KCNG4: variants seen among roughly 807,000 people sequenced by gnomAD.
KCNG4 encodes potassium voltage-gated channel modifier subfamily G member 4.
A neutral mutation model predicts 28.2 loss-of-function variants in KCNG4; 30 were observed. The ratio of observed to expected loss-of-function variants is 1.06; its 90% CI spans 0.80 to 1.44. The LOEUF is 1.44. Among genes scored for constraint, KCNG4 ranks in the 40% most tolerant of loss-of-function variants. KCNG4 has a pLI of 0.00. For missense variants in KCNG4, 879 were observed against 712.3 expected (o/e 1.23, Z -2.66); for synonymous variants, 375 against 315.5 (o/e 1.19, Z -2.00).
In KCNG4 at chr16:84,222,862, T is replaced by C. The variant is rs763982111; in HGVS notation, c.915A>G (p.Pro305=). The change falls in exon 3 of 3, where the codon CCA becomes CCG. Residue 305 remains proline, a synonymous_variant. Coordinates refer to ENST00000308251, the MANE Select transcript of KCNG4 (RefSeq NM_172347.3). ...LNIIDILAIS[P]YYVSLAVSEE... ...CAGACACCGCCAGCGACACGTAGTA[T>C]GGGGAGATGGCCAGGATGTCGATGA... 4 of 1,612,274 alleles carry C rather than the reference T, an allele frequency of 2.5e-6. No homozygotes were observed. The African/African-American group carries it at 4.0e-5, about 16-fold the overall frequency.
At chr16:84,230,139 T>G (rs1168149712) in intron 2 of KCNG4, among the ~76,000 whole-genome samples, 1 of 152,122 alleles carries the variant, frequency 6.6e-6, no homozygotes, top group Non-Finnish European at 1.5e-5. Context: ...GCATAGTGGC[T>G]CAGGCCTATA....
At chr16:84,231,711 G>C (rs1438887512) in intron 2 of KCNG4, among the ~76,000 whole-genome samples, 3 of 152,130 alleles carry the variant, frequency 2.0e-5, no homozygotes, top group Non-Finnish European at 2.9e-5. Context: ...GTGCATTCAA[G>C]TGAGAGTCGG....
chr16:84,238,171 C>T (rs1020730291), intron 1 of KCNG4, among the ~76,000 whole-genome samples: 18 of 152,110 alleles, frequency 1.2e-4, no homozygotes, highest in African/African-American at 3.9e-4. Context: ...GCCTGGCTTC[C>T]CCTAACTCAC....
At position 84,237,142 on chromosome 16, in the gene KCNG4, C is replaced by A. The variant is rs767277852; in HGVS notation, c.344G>T (p.Arg115Met). ...DEDSQEFFFD[R>M]SPSAFGVIVS... ...GATCACCCCGAAGGCGCTGGGGCTC[C>A]TGTCGAAGAAGAACTCCTGGCTGTC... is the stretch of plus-strand genomic sequence containing the variant. Residue 115 changes from arginine to methionine, a missense_variant, in exon 2 of 3, where the codon AGG becomes ATG. Transcript: ENST00000308251. 4 of 1,614,198 alleles carry A rather than the reference C, an allele frequency of 2.5e-6. No homozygotes were observed. The highest frequency in any genetic ancestry group is 3.4e-6 in the Non-Finnish European group (4 of 1,180,040).
At chr16:84,236,130 G>A in intron 2 of KCNG4, 1 of 152,514 alleles carries the variant, frequency 6.6e-6, no homozygotes, top group East Asian at 1.9e-4. Flanking sequence ...ACTGAGGCCG[G>A]GGACCTTTGC....
At chr16:84,230,071 G>A (rs530998995) in intron 2 of KCNG4, among the ~76,000 whole-genome samples, 20 of 152,078 alleles carry the variant, frequency 1.3e-4, no homozygotes, top group Admixed American at 4.6e-4. Flanking sequence ...GCTGCATCCC[G>A]GGGAGGAGGC....
Position 84,222,434 on chromosome 16 carries a change from A to T in KCNG4, c.1343T>A (p.Phe448Tyr). 1 of 1,614,124 alleles carries T rather than the reference A, an allele frequency of 6.2e-7. No individual in the cohort carries two copies. Among genetic ancestry groups the T allele is most frequent in the Non-Finnish European group, 8.5e-7 (1 of 1,180,024 alleles). Residue 448 changes from phenylalanine to tyrosine, a missense_variant, in exon 3 of 3, where the codon TTC (phenylalanine) becomes TAC (tyrosine). Phe to Tyr is a conservative substitution (Grantham distance 22). Coordinates refer to ENST00000308251, the MANE Select transcript of KCNG4 (RefSeq NM_172347.3). ...GGTGTGGAAGATAGACGTGGCCGGGAAGGCCATGATGAGGATCCCGCTCAG... is the reference window on the plus strand; with the variant it reads ...GGTGTGGAAGATAGACGTGGCCGGGTAGGCCATGATGAGGATCCCGCTCAG... ...SILSGILIMA[F>Y]PATSIFHTFS...
chr16:84,229,302 AG>A (rs1904771159), intron 2 of KCNG4, among the ~76,000 whole-genome samples: 1 of 151,346 alleles, frequency 6.6e-6, no homozygotes, highest in Non-Finnish European at 1.5e-5. Context: ...CAAAAAAAAA[AG>A]AAAAAAAAAA....
chr16:84,222,538 G>C lies in KCNG4; in HGVS notation c.1239C>G (p.Ile413Met). 1 of 1,613,656 alleles carries C rather than the reference G, an allele frequency of 6.2e-7. No individual in the cohort carries two copies. Among genetic ancestry groups the C allele is most frequent in the Non-Finnish European group, 8.5e-7 (1 of 1,179,986 alleles). Residue 413 changes from isoleucine to methionine, a missense_variant, in exon 3 of 3, where the codon ATC becomes ATG. Transcript: ENST00000308251. ...TSIPASYWWA[I>M]ISMTTVGYGD... ...CGTAGCCCACCGTTGTCATGGAGAT[G>C]ATGGCCCACCAATAGGAGGCGGGGA...
Position 84,226,857 on chromosome 16 carries a change from C to T in KCNG4, c.757-3837G>A, listed in dbSNP as rs560243588. On this transcript the variant is annotated intron_variant, in intron 2 of 2. Coordinates refer to ENST00000308251, the MANE Select transcript of KCNG4 (RefSeq NM_172347.3). The surrounding 1 kb of genome is among the most constrained non-coding windows in gnomAD (Gnocchi z 4.1). ...TTGCACCACTGCACTGCAGCCTGGG[C>T]GATAGAGCGAGACTCCGTCTCAAAG... 4.0e-5 allele frequency among the ~76,000 whole-genome samples: 6 copies of T among 151,870 alleles called. No homozygotes were observed. The South Asian group carries it at 1.0e-3, about 26-fold the overall frequency.
Position 84,222,459 on chromosome 16 carries a change from G to C in KCNG4, c.1318C>G (p.Leu440Val). 6.2e-7 allele frequency: 1 copy of C among 1,614,104 alleles called. No individual in the cohort carries two copies. ...PGQMVALSSI[L>V]SGILIMAFPA... The stretch of plus-strand genomic sequence containing the variant: ...AAGGCCATGATGAGGATCCCGCTCA[G>C]GATGCTGCTGAGGGCCACCATCTGG... Residue 440 changes from leucine (L) to valine (V), a missense_variant, in exon 3 of 3, where the codon CTG becomes GTG. Physicochemically the swap from Leu to Val is conservative, Grantham distance 32 (BLOSUM62 1). Coordinates refer to ENST00000308251, the MANE Select transcript of KCNG4 (RefSeq NM_172347.3).
chr16:84,223,576 G>A (rs796715962), intron 2 of KCNG4, among the ~76,000 whole-genome samples: 2 of 152,102 alleles, frequency 1.3e-5, no homozygotes, highest in Admixed American at 6.5e-5. Flanking sequence ...GGGGGACCAC[G>A]CACTGCTCTC....
In KCNG4 at chr16:84,237,284, TG is replaced by T. The variant is rs1567627844; in HGVS notation, c.201del (p.Arg68GlyfsTer15). On this transcript the variant is annotated frameshift_variant, in exon 2 of 3. Transcript: ENST00000308251. LOFTEE classifies it high-confidence loss of function. Reference sequence around the variant, plus strand: ...GTGCTCCAGGGGAGGAGATACCTCCTGCCCCCCACGTTGATCAGGATCTCCT... The same window carrying T: ...GTGCTCCAGGGGAGGAGATACCTCCTCCCCCCACGTTGATCAGGATCTCCT... ...LKKEILINVGGRRYLLPWSTL... is the reference protein window; with the variant it reads ...LKKEILINVGXRRYLLPWSTL... 1 of 1,607,368 alleles carries T rather than the reference TG, an allele frequency of 6.2e-7. No homozygotes were observed. Among genetic ancestry groups the T allele is most frequent in the South Asian group, 1.1e-5 (1 of 90,344 alleles).
intron 2 of KCNG4, chr16:84,235,686 C>T (rs763238686): frequency 2.0e-5 from 3 of 152,074 alleles, no homozygotes; most frequent in Non-Finnish European, 2.9e-5. Flanking sequence ...TATCTTTAAG[C>T]GAAGAGAACT....
In KCNG4 at chr16:84,234,009, G is replaced by A. The variant is rs74966600; in HGVS notation, c.756+2721C>T. Reference sequence around the variant, plus strand: ...TGCCACAGGGATGAAATCAGTCCACGGTGTGAAATGCCAGCCTCACGAGCG... The same window carrying A: ...TGCCACAGGGATGAAATCAGTCCACAGTGTGAAATGCCAGCCTCACGAGCG... On this transcript the variant is annotated intron_variant, in intron 2 of 2. Coordinates refer to ENST00000308251, the MANE Select transcript of KCNG4 (RefSeq NM_172347.3). 4.0e-3 allele frequency among the ~76,000 whole-genome samples: 614 copies of A among 152,230 alleles called. 3 individuals carry two copies. Among genetic ancestry groups the A allele is most frequent in the African/African-American group, 0.014 (586 of 41,550 alleles).
At chr16:84,235,255 G>A (rs1002931415) in intron 2 of KCNG4, among the ~76,000 whole-genome samples, 1 of 152,130 alleles carries the variant, frequency 6.6e-6, no homozygotes, top group Non-Finnish European at 1.5e-5. Flanking sequence ...CCCTTCTCTG[G>A]AAATCTGTAA....
rs11298495 is a variant in KCNG4 at position 84,232,004 on chromosome 16, CAA to C, written c.756+4724_756+4725del. On this transcript the variant is annotated intron_variant, in intron 2 of 2. Coordinates refer to ENST00000308251, the MANE Select transcript of KCNG4 (RefSeq NM_172347.3). ...GGGTAACAAAAGCAAAACTCCATCTCAAAAAAAAAAAAAAAAAAAGAGTCAGG... is the reference window on the plus strand; with the variant it reads ...GGGTAACAAAAGCAAAACTCCATCTCAAAAAAAAAAAAAAAAAGAGTCAGG... 3.9e-3 allele frequency among the ~76,000 whole-genome samples: 386 copies of C among 100,028 alleles called. 2 individuals carry two copies. The highest frequency in any genetic ancestry group is 0.01 in the African/African-American group (263 of 25,360). 65.6% of individuals were successfully genotyped at this position (100,028 alleles called of 152,430 possible).
intron 2 of KCNG4, chr16:84,236,071 G>C (rs997817173): frequency 6.6e-6 from 1 of 152,310 alleles, no homozygotes; most frequent in African/African-American, 2.4e-5. Context: ...GCTCATCTGT[G>C]AGTTTCCCAT....
In KCNG4 at chr16:84,219,841, C is replaced by G. The variant is rs1322738974; in HGVS notation, c.*2376G>C. 2.6e-5 allele frequency: 4 copies of G among 151,992 alleles called. No individual in the cohort carries two copies. Among genetic ancestry groups the G allele is most frequent in the African/African-American group, 9.7e-5 (4 of 41,348 alleles). The allele number at this position is 151,992 out of a possible 1,614,324, so 9.4% of individuals were successfully genotyped here. ...ATCACCTGACATCAGGAGTTCAAGA[C>G]CAGCCTGTCCACATGGTGAAACCTT... On this transcript the variant is annotated 3_prime_UTR_variant, in exon 3 of 3. Transcript: ENST00000308251.
Sources: allele counts gnomAD v4.1 joint callset (sites outside exome capture counted in the v4.1 genomes callset), GRCh38; gene constraint gnomAD v4.1.1; non-coding constraint Gnocchi (gnomAD v3.1); transcripts MANE v1.5; gene names NCBI Gene and HGNC (gene_info 2026-07-23, HGNC 2026-07-21).